Variants in ALDH1L1 observed in about 807,000 individuals in gnomAD.
ALDH1L1 encodes the protein cytosolic 10-formyltetrahydrofolate dehydrogenase.
In ALDH1L1, 68 loss-of-function variants were observed where a neutral mutation model predicts 101.1. That is an observed-to-expected ratio of 0.67 (90% CI 0.55 to 0.82). The LOEUF (loss-of-function observed/expected upper bound fraction) is 0.82. Ranked by LOEUF, ALDH1L1 falls within the 40% of genes least tolerant of loss-of-function variation. The pLI is 0.00. For missense variants in ALDH1L1, 1,087 were observed against 1,172.7 expected (o/e 0.93, Z 1.07); for synonymous variants, 486 against 470.8 (o/e 1.03, Z -0.42).
intron 1 of ALDH1L1, among the ~76,000 whole-genome samples, chr3:126,190,375 G>T (rs1486810716): frequency 6.6e-6 from 1 of 152,132 alleles, no homozygotes; most frequent in Non-Finnish European, 1.5e-5. Flanking sequence ...AATATTTTTC[G>T]TAATTTGGAT....
intron 1 of ALDH1L1, among the ~76,000 whole-genome samples, chr3:126,164,469 G>A (rs2081124710): frequency 6.6e-6 from 1 of 152,216 alleles, no homozygotes; most frequent in African/African-American, 2.4e-5. Context: ...GTGAGAACGT[G>A]CAGTATCTGG....
At position 126,137,981 on chromosome 3, in the gene ALDH1L1, G is replaced by A. The variant is rs371121445; in HGVS notation, c.1077-21C>T. On this transcript the variant is annotated intron_variant, in intron 9 of 22. Transcript: ENST00000393434. ...CCAGCCTGGAGGAAGGAGATGGAAA[G>A]ATGGGGACACGGGAGGGGCTCAGCA... 3.1e-6 allele frequency: 5 copies of A among 1,613,764 alleles called. No homozygotes were observed. In the African/African-American group the frequency reaches 6.7e-5, roughly 22 times the overall value.
intron 19 of ALDH1L1, 182 bp from the exon 20 acceptor site, chr3:126,110,291 T>C: frequency 2.7e-6 from 2 of 731,992 alleles, no homozygotes; most frequent in Non-Finnish European, 4.4e-6. Context: ...ATGGCTCCTA[T>C]GTGTAGAGGG....
chr3:126,132,244 G>A (rs1416726305), intron 12 of ALDH1L1, among the ~76,000 whole-genome samples: 1 of 152,228 alleles, frequency 6.6e-6, no homozygotes, highest in South Asian at 2.1e-4. Context: ...CAGCCTTGGA[G>A]ACAGGGCAGC....
chr3:126,146,532 C>G (rs1353252718), intron 9 of ALDH1L1, among the ~76,000 whole-genome samples: 7 of 152,188 alleles, frequency 4.6e-5, no homozygotes, highest in Non-Finnish European at 1.0e-4. Flanking sequence ...ATACATAACC[C>G]TAATTCTCCC....
intron 19 of ALDH1L1, among the ~76,000 whole-genome samples, chr3:126,110,508 G>A (rs928089938): frequency 2.0e-5 from 3 of 152,156 alleles, no homozygotes; most frequent in Non-Finnish European, 2.9e-5. Flanking sequence ...CAGGATGTGC[G>A]GTAGGTGGGA....
intron 21 of ALDH1L1, among the ~76,000 whole-genome samples, chr3:126,106,546 G>C (rs1380529418): frequency 6.6e-6 from 1 of 152,150 alleles, no homozygotes; most frequent in Non-Finnish European, 1.5e-5. Flanking sequence ...TTCATCAACA[G>C]GCCGTGGTGG....
chr3:126,105,872 G>T lies in ALDH1L1; in HGVS notation c.2507C>A (p.Ser836Tyr). ...RANATEFGLA[S>Y]GVFTRDINKA... ...GTTGATGTCCCTGGTGAAGACACCA[G>T]AAGCCAGGCCAAATTCCGTGGCATT... Residue 836 changes from serine (S) to tyrosine (Y), a missense_variant, in exon 22 of 23, where the codon TCT becomes TAT. Ser to Tyr is a moderately radical substitution (Grantham distance 144, BLOSUM62 -2). This residue lies in a region of ALDH1L1 where 442 missense variants were observed against 535.7 expected (regional missense o/e 0.83). Coordinates refer to ENST00000393434, the MANE Select transcript of ALDH1L1 (RefSeq NM_012190.4). The T allele has an allele frequency of 1.2e-6, 2 of 1,614,226 alleles. No homozygotes were observed. Among genetic ancestry groups the T allele is most frequent in the Non-Finnish European group, 1.7e-6 (2 of 1,180,030 alleles).
intron 14 of ALDH1L1, chr3:126,128,534 G>A (rs1215051325): frequency 2.0e-5 from 3 of 152,252 alleles, no homozygotes; most frequent in African/African-American, 7.2e-5. Flanking sequence ...GAGGTCCCCT[G>A]TGAAGGTGGG....
chr3:126,162,608 G>T (rs188368322), intron 1 of ALDH1L1, among the ~76,000 whole-genome samples: 1 of 152,236 alleles, frequency 6.6e-6, no homozygotes, highest in East Asian at 1.9e-4. Context: ...TCAGATATGT[G>T]TATGGAAAAT....
At chr3:126,124,646 G>A (rs2080144574) in intron 15 of ALDH1L1, among the ~76,000 whole-genome samples, 195 bp from the exon 16 acceptor site, 1 of 152,184 alleles carries the variant, frequency 6.6e-6, no homozygotes. Flanking sequence ...CACAGCACCA[G>A]CTGGGAATCA....
chr3:126,116,888 G>C (rs776134557), intron 17 of ALDH1L1, among the ~76,000 whole-genome samples: 3 of 152,142 alleles, frequency 2.0e-5, no homozygotes, highest in Non-Finnish European at 4.4e-5. Context: ...ACAGAGTCTG[G>C]GAGATGACAC....
intron 20 of ALDH1L1, chr3:126,107,857 G>A (rs1054966508): frequency 6.5e-6 from 1 of 152,958 alleles, no homozygotes; most frequent in South Asian, 2.1e-4. Flanking sequence ...TCTGACAACT[G>A]AAATGCTTCC....
At chr3:126,136,701 G>C (rs1483656807) in intron 11 of ALDH1L1, 63 bp downstream of exon 11, 11 of 1,548,160 alleles carry the variant, frequency 7.1e-6, no homozygotes, top group Admixed American at 2.0e-5. Context: ...GGCCAGTGGG[G>C]GCAGGGAAGG....
intron 1 of ALDH1L1, among the ~76,000 whole-genome samples, chr3:126,163,957 G>T (rs564655888): frequency 1.3e-5 from 2 of 152,146 alleles, no homozygotes; most frequent in African/African-American, 4.8e-5. Flanking sequence ...AACATAGTGA[G>T]ACCCCATCTC....
chr3:126,176,392 C>T (rs915853141), intron 1 of ALDH1L1, among the ~76,000 whole-genome samples: 2 of 152,056 alleles, frequency 1.3e-5, no homozygotes, highest in Admixed American at 6.6e-5. Flanking sequence ...TGAAGGAGAA[C>T]GAAGTTAGAG....
intron 4 of ALDH1L1, chr3:126,156,657 C>G (rs991521293): frequency 3.9e-5 from 6 of 152,344 alleles, no homozygotes; most frequent in African/African-American, 1.4e-4. Flanking sequence ...GCAGTACCAG[C>G]TGCCCAGGTG....
Position 126,103,596 on chromosome 3 carries a change from T to C in ALDH1L1, c.*195A>G. 1 of 610,196 alleles carries C rather than the reference T, an allele frequency of 1.6e-6. No homozygotes were observed. 37.8% of individuals were successfully genotyped at this position (610,196 alleles called of 1,614,324 possible). Reference sequence around the variant, plus strand: ...CTCTCTTCAGAAGCTTTATTCTCCCTGGGAGGGGCACACCTCACCCAGCCA... The same window carrying C: ...CTCTCTTCAGAAGCTTTATTCTCCCCGGGAGGGGCACACCTCACCCAGCCA... On this transcript the variant is annotated 3_prime_UTR_variant, in exon 23 of 23. Transcript: ENST00000393434.
At chr3:126,197,867 C>T (rs1205811240) in exon 1 of ALDH1L1, 1 of 151,882 alleles carries the variant, frequency 6.6e-6, no homozygotes, top group African/African-American at 2.4e-5. Flanking sequence ...GAACGATTCA[C>T]AAATTGGGCA....
Sources: gnomAD v4.1 joint callset for allele counts (sites outside exome capture counted in the v4.1 genomes callset) on GRCh38, gnomAD v4.1.1 for gene constraint, gnomAD v4.1.1 regional missense constraint, MANE v1.5 for transcripts, NCBI Gene and HGNC (gene_info 2026-07-23, HGNC 2026-07-21) for gene names.